GRM5: variants seen among roughly 807,000 people sequenced by gnomAD.
GRM5 encodes the protein metabotropic glutamate receptor 5.
GRM5 carries 19 observed loss-of-function variants against 83.1 expected under a neutral mutation model. The ratio of observed to expected loss-of-function variants is 0.23; its 90% CI spans 0.16 to 0.34. The LOEUF is 0.34. Among genes scored for constraint, GRM5 ranks in the 10% least tolerant of loss-of-function variants. GRM5 has a pLI of 1.00. For synonymous variants in GRM5, 675 were observed against 633.6 expected, an observed-to-expected ratio of 1.07 and a Z score of -0.98; for missense variants, 1,160 against 1,588.3, an observed-to-expected ratio of 0.73 and a Z score of 4.58.
chr11:88,966,006 T>G (rs1938947663), intron 2 of GRM5, among the ~76,000 whole-genome samples: 1 of 152,132 alleles, frequency 6.6e-6, no homozygotes, highest in Non-Finnish European at 1.5e-5. Flanking sequence ...AATAGGAAAT[T>G]CAACAGACTT....
At chr11:89,064,915 T>TGTGTGTGTGTGTGA (rs1431752395) in intron 1 of GRM5, among the ~76,000 whole-genome samples, 1 of 58,038 alleles carries the variant, frequency 1.7e-5, no homozygotes, top group African/African-American at 6.4e-5. Flanking sequence ...TGTGTGTGTG[T>TGTGTGTGTGTGTGA]GAGAGAGAGA....
At chr11:88,643,591 T>A (rs1939356076) in intron 4 of GRM5, among the ~76,000 whole-genome samples, 1 of 152,196 alleles carries the variant, frequency 6.6e-6, no homozygotes, top group Non-Finnish European at 1.5e-5. Context: ...CACACTAGAT[T>A]ACTGTTCTCT....
intron 1 of GRM5, among the ~76,000 whole-genome samples, chr11:89,060,421 C>T (rs1941968233): frequency 6.6e-6 from 1 of 151,800 alleles, no homozygotes; most frequent in African/African-American, 2.4e-5. Context: ...TAAAGTGACC[C>T]ACAGTGAACA....
chr11:88,935,113 C>T (rs1565299362), intron 2 of GRM5, among the ~76,000 whole-genome samples: 1 of 151,924 alleles, frequency 6.6e-6, no homozygotes, highest in Non-Finnish European at 1.5e-5. Context: ...AAAATTAGGA[C>T]ATATAAGGAT....
chr11:89,060,367 C>T (rs1320661948), intron 1 of GRM5, among the ~76,000 whole-genome samples: 1 of 151,388 alleles, frequency 6.6e-6, no homozygotes, highest in Non-Finnish European at 1.5e-5. Context: ...TATGGCAGTA[C>T]ATGTTATTGA....
rs72955090 is a variant in GRM5, at chr11:88,638,571, C to T, written c.1147+14597G>A. ...TACATAGAATTGATGTCTGTTTTTCCTTAAATGTTTGGCAGCAGTTCACCA... is the reference window on the plus strand; with the variant it reads ...TACATAGAATTGATGTCTGTTTTTCTTTAAATGTTTGGCAGCAGTTCACCA... On this transcript the variant is annotated intron_variant, in intron 4 of 9. Coordinates refer to ENST00000305447, the MANE Select transcript of GRM5 (RefSeq NM_001143831.3). Among the ~76,000 whole-genome samples the T allele has an allele frequency of 3.7e-3, 567 of 152,002 alleles. 3 individuals are homozygous for T. Among genetic ancestry groups the T allele is most frequent in the Non-Finnish European group, 6.4e-3 (436 of 67,972 alleles).
chr11:88,922,349 C>A (rs1345325961), intron 2 of GRM5, among the ~76,000 whole-genome samples: 1 of 152,014 alleles, frequency 6.6e-6, no homozygotes, highest in African/African-American at 2.4e-5. Context: ...CTATAATAAA[C>A]AAAACAGCAT....
At chr11:88,872,630 C>T (rs1251724020) in intron 2 of GRM5, among the ~76,000 whole-genome samples, 1 of 151,044 alleles carries the variant, frequency 6.6e-6, no homozygotes, top group African/African-American at 2.4e-5. Flanking sequence ...ATAAACAGAC[C>T]TGAATCACTG....
At position 89,051,362 on chromosome 11, in the gene GRM5, T is replaced by C. The variant is rs182578339; in HGVS notation, c.-200-3290A>G. On this transcript the variant is annotated intron_variant, in intron 1 of 9. Coordinates refer to ENST00000305447, the MANE Select transcript of GRM5 (RefSeq NM_001143831.3). Reference sequence around the variant, plus strand: ...GAGGCATGATGATACAAGCTGAAGATGGAAAGGCAAGAAAGGTCCAGGCCA... The same window carrying C: ...GAGGCATGATGATACAAGCTGAAGACGGAAAGGCAAGAAAGGTCCAGGCCA... Among the ~76,000 whole-genome samples the C allele has an allele frequency of 1.6e-3, 250 of 151,958 alleles. 3 individuals are homozygous for C. Among genetic ancestry groups the C allele is most frequent in the Middle Eastern group, 0.014 (4 of 292 alleles).
intron 2 of GRM5, among the ~76,000 whole-genome samples, chr11:88,915,834 C>T (rs1945580892): frequency 6.6e-6 from 1 of 152,142 alleles, no homozygotes. Context: ...TTTTGTTGTG[C>T]AGACATTATG....
chr11:88,634,595 G>T (rs1372034807), intron 4 of GRM5, among the ~76,000 whole-genome samples: 2 of 152,078 alleles, frequency 1.3e-5, no homozygotes, highest in East Asian at 3.9e-4. Flanking sequence ...GTCTTCAGGG[G>T]CAATAACACA....
intron 2 of GRM5, among the ~76,000 whole-genome samples, chr11:89,033,607 T>C (rs1941315503): frequency 6.6e-6 from 1 of 151,954 alleles, no homozygotes; most frequent in Non-Finnish European, 1.5e-5. Context: ...TTCAGCCTCT[T>C]CAAATTTTTA....
chr11:88,582,044 A>C (rs1943221367), intron 7 of GRM5, among the ~76,000 whole-genome samples: 1 of 151,770 alleles, frequency 6.6e-6, no homozygotes, highest in African/African-American at 2.4e-5. Flanking sequence ...TCCTTCCTTC[A>C]TTCATTTCTT....
intron 3 of GRM5, among the ~76,000 whole-genome samples, chr11:88,730,498 C>T (rs1941783619): frequency 6.6e-6 from 1 of 152,048 alleles, no homozygotes; most frequent in Admixed American, 6.6e-5. Flanking sequence ...TACCATTTAA[C>T]CCAGCAATCC....
At chr11:88,838,167 A>G (rs1413829897) in intron 3 of GRM5, among the ~76,000 whole-genome samples, 1 of 150,452 alleles carries the variant, frequency 6.6e-6, no homozygotes, top group African/African-American at 2.4e-5. Flanking sequence ...GGTTAATATT[A>G]CTCACTTCAG....
chr11:88,826,536 T>A (rs1943897171), intron 3 of GRM5, among the ~76,000 whole-genome samples: 1 of 152,050 alleles, frequency 6.6e-6, no homozygotes. Flanking sequence ...TGGACCAGCA[T>A]CTGGTAGCCA....
intron 4 of GRM5, among the ~76,000 whole-genome samples, chr11:88,625,337 C>T (rs547387610): frequency 2.0e-5 from 3 of 152,196 alleles, no homozygotes; most frequent in South Asian, 2.1e-4. Context: ...AGGCTATACC[C>T]GTGTCCCTGA....
chr11:88,617,498 G>C (rs1938515765), intron 4 of GRM5, among the ~76,000 whole-genome samples: 1 of 152,196 alleles, frequency 6.6e-6, no homozygotes, highest in Non-Finnish European at 1.5e-5. Context: ...AGCTCCAACA[G>C]AAGTTTATTT....
At chr11:88,514,489 A>G (rs183386313) in intron 9 of GRM5, among the ~76,000 whole-genome samples, 1 of 152,274 alleles carries the variant, frequency 6.6e-6, no homozygotes, top group African/African-American at 2.4e-5. Flanking sequence ...ACCTGCAGAT[A>G]TTAGAGTATT....
Sources: allele counts gnomAD v4.1 joint callset (sites outside exome capture counted in the v4.1 genomes callset), GRCh38; gene constraint gnomAD v4.1.1; transcripts MANE v1.5; gene names NCBI Gene and HGNC (gene_info 2026-07-23, HGNC 2026-07-21).